ARMC2: variants seen among roughly 807,000 people sequenced by gnomAD.
ARMC2 encodes armadillo repeat containing 2.
A neutral mutation model predicts 90.3 loss-of-function variants in ARMC2; 67 were observed. The observed-to-expected ratio is 0.74, with a 90% CI of 0.61 to 0.91. ARMC2 has a LOEUF of 0.91. ARMC2 is among the 40% of genes least tolerant of loss of function. ARMC2 has a pLI of 0.00. For synonymous variants in ARMC2, 393 were observed against 393.0 expected, an observed-to-expected ratio of 1.00 and a Z score of 0.00; for missense variants, 920 against 1,030.9, an observed-to-expected ratio of 0.89 and a Z score of 1.47.
At chr6:108,967,389 CG>C (rs755141018) in intron 17 of ARMC2, among the ~76,000 whole-genome samples, 22 of 152,268 alleles carry the variant, frequency 1.4e-4, no homozygotes, top group African/African-American at 4.6e-4. Flanking sequence ...GCTGCGGGGC[CG>C]GGGCCGTGTG....
rs143943739 is a variant in ARMC2 at position 108,898,011 on chromosome 6, G to A, written c.749-1683G>A. Reference sequence around the variant, plus strand: ...GAGGCATTGGAAAATACAGAAGAGCGCATAAAAGAAATTAATAATCCTAAT... The same window carrying A: ...GAGGCATTGGAAAATACAGAAGAGCACATAAAAGAAATTAATAATCCTAAT... On this transcript the variant is annotated intron_variant, in intron 6 of 17. Transcript: ENST00000392644. Among the ~76,000 whole-genome samples, 55 of 152,200 alleles carry A rather than the reference G, an allele frequency of 3.6e-4. No homozygotes were observed. The East Asian group carries it at 5.6e-3, about 15-fold the overall frequency.
At chr6:109,009,962 AC>A in the ARMC2 span, among the ~76,000 whole-genome samples, 1 of 152,172 alleles carries the variant, frequency 6.6e-6, no homozygotes, top group Non-Finnish European at 1.5e-5. Flanking sequence ...AATTCGATAA[AC>A]TATTGAAATT....
chr6:108,883,102 C>T (rs557571718), intron 5 of ARMC2, among the ~76,000 whole-genome samples: 4 of 152,274 alleles, frequency 2.6e-5, no homozygotes, highest in African/African-American at 7.2e-5. Context: ...ATGGCTCTCC[C>T]GGCTGAATGA....
In ARMC2 at chr6:108,854,410, C is replaced by T; in HGVS notation, c.143C>T (p.Pro48Leu). The T allele has an allele frequency of 6.2e-7, 1 of 1,613,238 alleles. No individual in the cohort carries two copies. Among genetic ancestry groups the T allele is most frequent in the Non-Finnish European group, 8.5e-7 (1 of 1,179,758 alleles). The change falls in exon 2 of 18, where the codon CCA becomes CTA. Residue 48 changes from proline (P) to leucine (L), a missense_variant. Pro to Leu is a moderately conservative substitution (Grantham distance 98). Coordinates refer to ENST00000392644, the MANE Select transcript of ARMC2 (RefSeq NM_032131.6). ...GTTAGAACCCAAAGACCATTTACAC[C>T]ACAGGAGGCTCAAAGAAAACTATTC... Reference protein sequence around the residue: ...RTVRTQRPFTPQEAQRKLFGP... With the variant: ...RTVRTQRPFTLQEAQRKLFGP...
In ARMC2 at chr6:108,953,299, C is replaced by T; in HGVS notation, c.1863C>T (p.Gly621=). The T allele has an allele frequency of 1.2e-6, 2 of 1,610,884 alleles. No homozygotes were observed. The highest frequency in any genetic ancestry group is 1.7e-6 in the Non-Finnish European group (2 of 1,179,636). Residue 621 remains glycine (G), a synonymous_variant, in exon 13 of 18, where the codon GGC becomes GGT. Coordinates refer to ENST00000392644, the MANE Select transcript of ARMC2 (RefSeq NM_032131.6). ...LANIAIHPGV[G]PVLAANPGIV... ...ACATTGCCATCCACCCGGGCGTGGG[C>T]CCGGTGCTGGCCGCCAACCCGGGGA...
intron 5 of ARMC2, among the ~76,000 whole-genome samples, chr6:108,883,423 C>T (rs531695572): frequency 1.1e-4 from 16 of 152,166 alleles, no homozygotes; most frequent in East Asian, 5.8e-4. Context: ...ATTTTGTTTT[C>T]GTATTGGATT....
the ARMC2 span, among the ~76,000 whole-genome samples, chr6:109,046,610 C>G: frequency 3.5e-5 from 5 of 141,980 alleles, 1 homozygote; most frequent in Admixed American, 3.4e-4. Flanking sequence ...GCGTCTGCGC[C>G]CGGCCGCCAT....
the ARMC2 span, among the ~76,000 whole-genome samples, chr6:109,013,096 C>T: frequency 1.5e-5 from 2 of 133,578 alleles, no homozygotes; most frequent in East Asian, 4.2e-4. Flanking sequence ...AGCCTGGCAA[C>T]AGGGAAAAAA....
At chr6:108,969,269 G>A (rs957315454) in intron 17 of ARMC2, among the ~76,000 whole-genome samples, 4 of 152,178 alleles carry the variant, frequency 2.6e-5, no homozygotes, top group African/African-American at 9.7e-5. Flanking sequence ...TGGTCAGGGC[G>A]ATGATAAATC....
At chr6:109,002,345 T>C in the ARMC2 span, 1 of 1,612,598 alleles carries the variant, frequency 6.2e-7, no homozygotes, top group Non-Finnish European at 8.5e-7. Context: ...GCCAAGTTCC[T>C]AGAAAAGAAA....
chr6:108,896,261 T>G (rs1295658284), intron 6 of ARMC2, among the ~76,000 whole-genome samples: 1 of 152,194 alleles, frequency 6.6e-6, no homozygotes, highest in Non-Finnish European at 1.5e-5. Flanking sequence ...CAGCAAAATC[T>G]TCAAAAACAT....
Position 108,894,363 on chromosome 6 carries a change from A to G in ARMC2, c.672-104A>G, listed in dbSNP as rs78851917. On this transcript the variant is annotated intron_variant, in intron 5 of 17. Coordinates refer to ENST00000392644, the MANE Select transcript of ARMC2 (RefSeq NM_032131.6). ...TAGCCTGGATGACAGAGTGAGACCT[A>G]TCTCAAAATAATAAATAAGAAACTG... 5.5e-4 allele frequency: 532 copies of G among 963,174 alleles called. 4 individuals carry two copies. In the African/African-American group the frequency reaches 8.5e-3, roughly 15 times the overall value. 59.7% of individuals were successfully genotyped at this position (963,174 alleles called of 1,614,324 possible). A position where few individuals can be genotyped will look rare whatever the true frequency, so the allele number is the denominator to read the frequency against.
the ARMC2 span, chr6:108,993,157 C>A: frequency 2.8e-6 from 1 of 357,228 alleles, no homozygotes; most frequent in Non-Finnish European, 5.0e-6. Flanking sequence ...TCCTTTCTCT[C>A]TCCTCCCATT....
At position 108,854,228 on chromosome 6, in the gene ARMC2, G is replaced by T; in HGVS notation, c.-40G>T. The T allele has an allele frequency of 6.9e-7, 1 of 1,456,550 alleles. No homozygotes were observed. Among genetic ancestry groups the T allele is most frequent in the Non-Finnish European group, 9.4e-7 (1 of 1,060,864 alleles). 90.2% of individuals were successfully genotyped at this position (1,456,550 alleles called of 1,614,324 possible). ...TTTTTGTACCATGTATTTGCAGGGTGTGGTGTCTATCTGAAGAATATTTTA... is the reference window on the plus strand; with the variant it reads ...TTTTTGTACCATGTATTTGCAGGGTTTGGTGTCTATCTGAAGAATATTTTA... On this transcript the variant is annotated 5_prime_UTR_variant, in exon 2 of 18. Coordinates refer to ENST00000392644, the MANE Select transcript of ARMC2 (RefSeq NM_032131.6).
chr6:109,030,168 A>AG, the ARMC2 span, among the ~76,000 whole-genome samples: 2 of 152,220 alleles, frequency 1.3e-5, no homozygotes, highest in African/African-American at 4.8e-5. Context: ...CAAGATCCCT[A>AG]GCTCTGAACC....
At chr6:108,998,758 TA>T in the ARMC2 span, 41 of 1,596,290 alleles carry the variant, frequency 2.6e-5, no homozygotes, top group South Asian at 5.6e-5. Flanking sequence ...AAAAGTCCCT[TA>T]GGGGGAAAAA....
the ARMC2 span, among the ~76,000 whole-genome samples, chr6:109,012,837 G>A: frequency 2.6e-5 from 4 of 152,124 alleles, no homozygotes; most frequent in Non-Finnish European, 5.9e-5. Context: ...GCAGTAGGCC[G>A]GGCGTGGTGG....
the ARMC2 span, chr6:108,998,543 C>G: frequency 1.4e-4 from 232 of 1,613,908 alleles, no homozygotes; most frequent in Non-Finnish European, 1.9e-4. Flanking sequence ...TGACCGGCAT[C>G]TCATCCACAC....
chr6:108,921,995 A>T (rs574621817), intron 10 of ARMC2, among the ~76,000 whole-genome samples: 3 of 152,236 alleles, frequency 2.0e-5, no homozygotes, highest in Admixed American at 6.5e-5. Flanking sequence ...CTGAGCTTCA[A>T]TGAGTCACAA....
Sources: gnomAD v4.1 joint callset for allele counts (sites outside exome capture counted in the v4.1 genomes callset) on GRCh38, gnomAD v4.1.1 for gene constraint, MANE v1.5 for transcripts, NCBI Gene and HGNC (gene_info 2026-07-23, HGNC 2026-07-21) for gene names.